Variants in TMEM230 observed in about 807,000 individuals in gnomAD.
TMEM230 encodes transmembrane protein 230.
TMEM230 carries 10 observed loss-of-function variants against 15.8 expected under a neutral mutation model. The observed-to-expected ratio is 0.63, with a 90% CI of 0.39 to 1.07. The LOEUF (loss-of-function observed/expected upper bound fraction) is 1.07, where lower values mean the gene tolerates loss of function less well. Among genes scored for constraint, TMEM230 ranks in the 50% least tolerant of loss-of-function variants. TMEM230 has a pLI of 0.01. For synonymous variants in TMEM230, 67 were observed against 76.9 expected, an observed-to-expected ratio of 0.87 and a Z score of 0.68; for missense variants, 165 against 193.3, an observed-to-expected ratio of 0.85 and a Z score of 0.87.
chr20:5,090,154 A>G (rs2089466597), intron 3 of TMEM230, among the ~76,000 whole-genome samples: 1 of 152,182 alleles, frequency 6.6e-6, no homozygotes. Flanking sequence ...TCTAATGAAA[A>G]AATTCCAGAA....
chr20:5,077,405 G>A (rs2122574160), intron 3 of TMEM230, among the ~76,000 whole-genome samples: 1 of 152,274 alleles, frequency 6.6e-6, no homozygotes, highest in African/African-American at 2.4e-5. Flanking sequence ...GACCAAAATA[G>A]ACAAAAATCT....
At chr20:5,064,690 C>A (rs2088635366), downstream of TMEM230, among the ~76,000 whole-genome samples, 1 of 151,572 alleles carries the variant, frequency 6.6e-6, no homozygotes, top group Non-Finnish European at 1.5e-5. Flanking sequence ...AAGATGAAAA[C>A]AAAAATAAAT....
At chr20:5,096,816 C>T (rs563733788), downstream of TMEM230, among the ~76,000 whole-genome samples, 2 of 152,178 alleles carry the variant, frequency 1.3e-5, no homozygotes, top group African/African-American at 2.4e-5. Flanking sequence ...GAAATGCACA[C>T]GATTCCAGCT....
intron 3 of TMEM230, among the ~76,000 whole-genome samples, chr20:5,092,750 A>C (rs979269678): frequency 3.9e-5 from 6 of 152,056 alleles, no homozygotes; most frequent in Non-Finnish European, 1.5e-5. Context: ...AGAGAGAATG[A>C]AAGGCAAAAA....
chr20:5,103,072 A>G (rs1029269483), intron 4 of TMEM230, among the ~76,000 whole-genome samples: 1 of 152,246 alleles, frequency 6.6e-6, no homozygotes. Context: ...ATTTGATAAA[A>G]TTCTACATCC....
chr20:5,107,850 G>A (rs571652481), intron 3 of TMEM230, among the ~76,000 whole-genome samples: 9 of 150,504 alleles, frequency 6.0e-5, no homozygotes, highest in Admixed American at 2.7e-4. Context: ...GGTGACTCAC[G>A]CCTGTAATTC....
intron 3 of TMEM230, among the ~76,000 whole-genome samples, chr20:5,086,169 A>G (rs6053096): frequency 0.041 from 6,144 of 148,802 alleles, 381 homozygotes; most frequent in African/African-American, 0.14. Context: ...CCAAGGTGGG[A>G]GGATCACTTG....
At chr20:5,079,868 C>T (rs778362956) in intron 3 of TMEM230, among the ~76,000 whole-genome samples, 17 of 152,106 alleles carry the variant, frequency 1.1e-4, no homozygotes, top group Non-Finnish European at 2.2e-4. Flanking sequence ...GATCCTCCTG[C>T]CTCAGCTTCC....
intron 3 of TMEM230, among the ~76,000 whole-genome samples, chr20:5,084,786 G>T (rs1284031236): frequency 6.6e-6 from 1 of 151,444 alleles, no homozygotes; most frequent in Non-Finnish European, 1.5e-5. Flanking sequence ...TGCCTGCCTC[G>T]GCCTCCCAAA....
intron 3 of TMEM230, among the ~76,000 whole-genome samples, chr20:5,071,065 A>C (rs1471209967): frequency 1.3e-5 from 2 of 152,154 alleles, no homozygotes; most frequent in East Asian, 3.8e-4. Flanking sequence ...ATGGCAATGG[A>C]GTAGTTGTCC....
downstream of TMEM230, among the ~76,000 whole-genome samples, chr20:5,099,191 A>T (rs945958851): frequency 1.8e-5 from 2 of 112,690 alleles, no homozygotes; most frequent in Non-Finnish European, 3.5e-5. Flanking sequence ...ACTCTGTCTC[A>T]AAATAAATAA....
At position 5,109,323 on chromosome 20, in the gene TMEM230, T is replaced by G; in HGVS notation, c.288+9A>C. ...CCAGTCAGTCTTGTCAGTTCTCTTC[T>G]GCATTTACCTGAAGGTCAATGTAGC... On this transcript the variant is annotated intron_variant, in intron 3 of 4. Transcript: ENST00000342308. The G allele has an allele frequency of 6.2e-7, 1 of 1,605,170 alleles. No individual in the cohort carries two copies. Among genetic ancestry groups the G allele is most frequent in the Non-Finnish European group, 8.5e-7 (1 of 1,174,054 alleles).
intron 3 of TMEM230, among the ~76,000 whole-genome samples, chr20:5,076,512 GC>G (rs1473715558): frequency 6.6e-6 from 1 of 152,006 alleles, no homozygotes; most frequent in Non-Finnish European, 1.5e-5. Context: ...CTGCACTCCA[GC>G]CTGGCTGAAA....
At chr20:5,093,647 A>G (rs2089578205) in intron 3 of TMEM230, among the ~76,000 whole-genome samples, 1 of 149,872 alleles carries the variant, frequency 6.7e-6, no homozygotes. Flanking sequence ...AGTGATTCTC[A>G]TGCCTCAGCC....
intron 1 of TMEM230, 55 bp downstream of exon 1, chr20:5,112,906 C>T (rs1359422063): frequency 3.9e-6 from 6 of 1,548,642 alleles, no homozygotes; most frequent in Non-Finnish European, 5.2e-6. Flanking sequence ...GTCTCGGACA[C>T]GCCCAGAGCC....
At chr20:5,066,476 C>G (rs551206938), downstream of TMEM230, 1 of 152,150 alleles carries the variant, frequency 6.6e-6, no homozygotes, top group African/African-American at 2.4e-5. Context: ...TTGAGACCAG[C>G]CTGGCCAACA....
At chr20:5,101,010 T>C (rs1021202792) in intron 4 of TMEM230, 79 bp from the exon 4 acceptor site, 1 of 1,539,164 alleles carries the variant, frequency 6.5e-7, no homozygotes, top group Admixed American at 2.0e-5. Flanking sequence ...ACCTAATCCT[T>C]AGATCAGTAT....
rs1359164443 is a variant in TMEM230, at chr20:5,100,625, C to T, written c.*166G>A. 2.8e-6 allele frequency: 4 copies of T among 1,423,770 alleles called. No homozygotes were observed. Among genetic ancestry groups the T allele is most frequent in the Non-Finnish European group, 3.7e-6 (4 of 1,091,518 alleles). The allele number at this position is 1,423,770 out of a possible 1,614,324, so 88.2% of individuals were successfully genotyped here. ...AATAGAGCTTGTCCTAATTAGCTAA[C>T]TGTAGGTTCACTTAACATCTTTGGG... On this transcript the variant is annotated 3_prime_UTR_variant, in exon 5 of 5. Transcript: ENST00000342308.
chr20:5,073,309 G>A (rs982788633), intron 3 of TMEM230, among the ~76,000 whole-genome samples: 1 of 152,224 alleles, frequency 6.6e-6, no homozygotes, highest in Non-Finnish European at 1.5e-5. Context: ...TGAAGGTGGG[G>A]CACACAAAGA....
Sources: gnomAD v4.1 joint callset for allele counts (sites outside exome capture counted in the v4.1 genomes callset) on GRCh38, gnomAD v4.1.1 for gene constraint, MANE v1.5 for transcripts, NCBI Gene and HGNC (gene_info 2026-07-23, HGNC 2026-07-21) for gene names.